USP42: variants seen among roughly 807,000 people sequenced by gnomAD.
The protein encoded by USP42 is ubiquitin carboxyl-terminal hydrolase 42.
USP42 carries 23 observed loss-of-function variants against 113.0 expected under a neutral mutation model. The ratio of observed to expected loss-of-function variants is 0.20; its 90% CI spans 0.15 to 0.29. The LOEUF (loss-of-function observed/expected upper bound fraction) is 0.29, where lower values mean the gene tolerates loss of function less well. USP42 is among the 10% of genes least tolerant of loss of function. USP42 has a pLI of 1.00. For synonymous variants in USP42, 933 were observed against 699.0 expected (o/e 1.33, Z -5.28); for missense variants, 2,174 against 1,779.8 (o/e 1.22, Z -3.99).
upstream of USP42, among the ~76,000 whole-genome samples, chr7:6,104,491 A>C (rs373827893): frequency 1.1e-4 from 17 of 152,254 alleles, no homozygotes; most frequent in Non-Finnish European, 2.4e-4. Flanking sequence ...TCTCGGAGCC[A>C]AGTCCGTTTT....
rs1005444460 is a variant in USP42 at position 6,147,780 on chromosome 7, C to T, written c.1274C>T (p.Thr425Ile). ...AATGGAGGTGAACTTACTCATCCCA[C>T]CCATAGCCCCGGCCAGTCCTCTCCC... ...VKNGGELTHPTHSPGQSSPRP... is the reference protein window; with the variant it reads ...VKNGGELTHPIHSPGQSSPRP... Residue 425 changes from threonine to isoleucine, a missense_variant, in exon 12 of 18, where the codon ACC (threonine) becomes ATC (isoleucine). Thr to Ile is a moderately conservative substitution (Grantham distance 89). Coordinates refer to ENST00000306177, the MANE Select transcript of USP42 (RefSeq NM_032172.3). 6.2e-7 allele frequency: 1 copy of T among 1,604,846 alleles called. No individual in the cohort carries two copies. Among genetic ancestry groups the T allele is most frequent in the Non-Finnish European group, 8.5e-7 (1 of 1,173,454 alleles).
At chr7:6,118,519 CA>C (rs1258594815) in intron 3 of USP42, among the ~76,000 whole-genome samples, 2 of 149,414 alleles carry the variant, frequency 1.3e-5, no homozygotes, top group African/African-American at 4.9e-5. Context: ...GACCATGTCT[CA>C]AGGAAAAAAG....
In USP42 at chr7:6,107,705, G is replaced by A. The variant is rs562197783; in HGVS notation, c.-10+2673G>A. Among the ~76,000 whole-genome samples, 4 of 152,048 alleles carry A rather than the reference G, an allele frequency of 2.6e-5. No individual in the cohort carries two copies. The East Asian group carries it at 7.7e-4, about 29-fold the overall frequency. On this transcript the variant is annotated intron_variant, in intron 1 of 17. Transcript: ENST00000306177. ...ATTACAGGTGTGAGCACCTGCGCCC[G>A]GCCTCTTCTTTCTTTTTTTCCTGCA... is the stretch of plus-strand genomic sequence containing the variant.
At chr7:6,146,671 A>C (rs75553717) in intron 11 of USP42, among the ~76,000 whole-genome samples, 14 of 152,290 alleles carry the variant, frequency 9.2e-5, no homozygotes, top group Admixed American at 6.5e-4. Flanking sequence ...TCAAAAAAAA[A>C]CCAAAAACCA....
intron 14 of USP42, among the ~76,000 whole-genome samples, chr7:6,153,346 A>G (rs1240905217): frequency 2.6e-5 from 4 of 152,112 alleles, no homozygotes; most frequent in Middle Eastern, 3.2e-3. Context: ...AGGGATATCC[A>G]GAAACAGGAA....
intron 3 of USP42, chr7:6,128,260 T>TG (rs1327180980): frequency 6.6e-6 from 1 of 151,268 alleles, no homozygotes; most frequent in Non-Finnish European, 1.5e-5. Context: ...GCCCTGCTTT[T>TG]TTTTTTTTTT....
At chr7:6,101,770 A>G (rs1221292093), upstream of USP42, among the ~76,000 whole-genome samples, 3 of 150,956 alleles carry the variant, frequency 2.0e-5, no homozygotes. Context: ...CAACGCCAAG[A>G]GATGATTTAA....
intron 3 of USP42, among the ~76,000 whole-genome samples, chr7:6,125,183 CAAAAA>C (rs56776147): frequency 5.2e-5 from 2 of 38,722 alleles, no homozygotes; most frequent in African/African-American, 1.8e-4. Context: ...TCTGTCTCAA[CAAAAA>C]AAAAAAAAAA....
intron 14 of USP42, among the ~76,000 whole-genome samples, chr7:6,153,252 A>T (rs531958966): frequency 1.1e-4 from 17 of 151,932 alleles, no homozygotes; most frequent in Non-Finnish European, 2.1e-4. Flanking sequence ...CAGCCTGGGC[A>T]ACAGAGTGGG....
At chr7:6,125,011 T>A (rs1275755632) in intron 3 of USP42, among the ~76,000 whole-genome samples, 2 of 151,660 alleles carry the variant, frequency 1.3e-5, no homozygotes, top group African/African-American at 4.8e-5. Flanking sequence ...CAAAACCCCG[T>A]CTCTACTGAA....
At chr7:6,133,078 T>A (rs1780939332) in intron 3 of USP42, among the ~76,000 whole-genome samples, 1 of 152,230 alleles carries the variant, frequency 6.6e-6, no homozygotes, top group Non-Finnish European at 1.5e-5. Flanking sequence ...TTGTTGAGGT[T>A]CTTAGATCTG....
chr7:6,148,875 C>T (rs974651085), intron 12 of USP42, among the ~76,000 whole-genome samples: 5 of 152,182 alleles, frequency 3.3e-5, no homozygotes, highest in Non-Finnish European at 5.9e-5. Context: ...CTCTGGCAAA[C>T]AGGAGGGCAT....
upstream of USP42, among the ~76,000 whole-genome samples, chr7:6,100,765 C>G (rs151054692): frequency 2.2e-3 from 320 of 148,586 alleles, 9 homozygotes; most frequent in African/African-American, 6.9e-3. Context: ...CTCCCAGGTT[C>G]CAGCAATTCT....
the USP42 span, among the ~76,000 whole-genome samples, chr7:6,084,974 C>T: frequency 9.9e-5 from 15 of 151,100 alleles, 1 homozygote; most frequent in Admixed American, 5.3e-4. Flanking sequence ...ACACCTCGGC[C>T]TCTCAGAGTG....
the USP42 span, among the ~76,000 whole-genome samples, chr7:6,097,889 CTTCTTTTTCTTTCTTTTCTT>C: frequency 5.5e-4 from 74 of 135,088 alleles, no homozygotes; most frequent in Non-Finnish European, 7.9e-4. Context: ...CGCGCCCGGC[CTTCTTTTTCTTTCTTTTCTT>C]TTTTTTTTTT....
At chr7:6,124,290 C>A (rs1006571030) in intron 3 of USP42, among the ~76,000 whole-genome samples, 1 of 151,512 alleles carries the variant, frequency 6.6e-6, no homozygotes, top group Admixed American at 6.6e-5. Context: ...TTTTTTGAGA[C>A]GGATTCTCGC....
rs1782758067 is a variant in USP42 at position 6,161,189 on chromosome 7, A to G, written c.*671A>G. 1 of 152,660 alleles carries G rather than the reference A, an allele frequency of 6.6e-6. No individual in the cohort carries two copies. Among genetic ancestry groups the G allele is most frequent in the South Asian group, 2.1e-4 (1 of 4,834 alleles). 9.5% of individuals were successfully genotyped at this position (152,660 alleles called of 1,614,324 possible). A position where few individuals can be genotyped will look rare whatever the true frequency, so the allele number is the denominator to read the frequency against. ...CCCAGACATGATTTGTAAAGCCGAC[A>G]GTATGTTTCTATTACACAACACTTT... On this transcript the variant is annotated 3_prime_UTR_variant, in exon 18 of 18. Coordinates refer to ENST00000306177, the MANE Select transcript of USP42 (RefSeq NM_032172.3).
rs1233441912 is a variant in USP42, at chr7:6,141,101, G to A, written c.795+117G>A. On this transcript the variant is annotated intron_variant, in intron 7 of 17. Coordinates refer to ENST00000306177, the MANE Select transcript of USP42 (RefSeq NM_032172.3). Reference sequence around the variant, plus strand: ...GAATATAAATTGAAAAATTCAATATGCTAAGATTTCATTTGGAGGAATTAT... The same window carrying A: ...GAATATAAATTGAAAAATTCAATATACTAAGATTTCATTTGGAGGAATTAT... 6.1e-6 allele frequency: 3 copies of A among 493,500 alleles called. No individual in the cohort carries two copies. The Admixed American group carries it at 1.3e-4, about 21-fold the overall frequency. The allele number at this position is 493,500 out of a possible 1,614,324, so 30.6% of individuals were successfully genotyped here. A position where few individuals can be genotyped will look rare whatever the true frequency, so the allele number is the denominator to read the frequency against.
At position 6,157,171 on chromosome 7, in the gene USP42, C is replaced by T. The variant is rs1015666068; in HGVS notation, c.3943+116C>T. Reference sequence around the variant, plus strand: ...CAGGTGGCATCAAAGGGCACAGTTACTCAGAGCACCCCTGCCCTGCCTGGT... The same window carrying T: ...CAGGTGGCATCAAAGGGCACAGTTATTCAGAGCACCCCTGCCCTGCCTGGT... On this transcript the variant is annotated intron_variant, in intron 16 of 17. Coordinates refer to ENST00000306177, the MANE Select transcript of USP42 (RefSeq NM_032172.3). This position sits in a 1 kb window ranked among gnomAD's most constrained non-coding sequence, Gnocchi z 4.1. 5 of 1,441,278 alleles carry T rather than the reference C, an allele frequency of 3.5e-6. No individual in the cohort carries two copies. Among genetic ancestry groups the T allele is most frequent in the African/African-American group, 1.4e-5 (1 of 69,918 alleles). The allele number at this position is 1,441,278 out of a possible 1,614,324, so 89.3% of individuals were successfully genotyped here. A position where few individuals can be genotyped will look rare whatever the true frequency, so the allele number is the denominator to read the frequency against.
Sources: allele counts gnomAD v4.1 joint callset (sites outside exome capture counted in the v4.1 genomes callset), GRCh38; gene constraint gnomAD v4.1.1; non-coding constraint Gnocchi (gnomAD v3.1); transcripts MANE v1.5; gene names NCBI Gene and HGNC (gene_info 2026-07-23, HGNC 2026-07-21).